The following ZNF703 variants were observed in gnomAD, a reference collection of about 807,000 sequenced individuals.
ZNF703 encodes the protein NocA-like zinc finger 1.
Under a neutral mutation model 30.7 loss-of-function variants are expected in ZNF703, and 18 were observed. The observed-to-expected ratio is 0.59, with a 90% CI of 0.40 to 0.87. The LOEUF is 0.87. Ranked by LOEUF, ZNF703 falls within the 40% of genes least tolerant of loss-of-function variation. ZNF703 has a pLI of 0.00. For synonymous variants in ZNF703, 457 were observed against 438.6 expected, an observed-to-expected ratio of 1.04 and a Z score of -0.52; for missense variants, 814 against 847.8, an observed-to-expected ratio of 0.96 and a Z score of 0.50.
At position 37,698,724 on chromosome 8, in the gene ZNF703, C is replaced by T. The variant is rs761337910; in HGVS notation, c.*50C>T. The T allele has an allele frequency of 1.9e-5, 26 of 1,364,032 alleles. No individual in the cohort carries two copies. The highest frequency in any genetic ancestry group is 2.1e-4 in the Middle Eastern group (1 of 4,746). 84.5% of individuals were successfully genotyped at this position (1,364,032 alleles called of 1,614,324 possible). On this transcript the variant is annotated 3_prime_UTR_variant, in exon 2 of 2. Transcript: ENST00000331569. ...CCCCTCACCCTCCTCCCTCTCCCTC[C>T]TCCTCCCTCCCCACCTGCCGTCGCC...
intron 1 of ZNF703, 76 bp from the exon 2 acceptor site, chr8:37,697,069 C>A (rs1161703730): frequency 1.4e-6 from 2 of 1,405,126 alleles, no homozygotes; most frequent in African/African-American, 3.0e-5. Context: ...CCGCCCAGCT[C>A]CCCGGGCGCC....
chr8:37,698,613 A>G lies in ZNF703; in HGVS notation c.1712A>G (p.Tyr571Cys), dbSNP rs1203797202. The G allele has an allele frequency of 1.9e-6, 3 of 1,548,874 alleles. No individual in the cohort carries two copies. The highest frequency in any genetic ancestry group is 8.7e-7 in the Non-Finnish European group (1 of 1,150,974). ...TCCCTCCCCACAGCCGGACCCTACT[A>G]TTCGCCATACGCGCTGTATGGACAG... Reference protein sequence around the residue: ...VPSLPTAGPYYSPYALYGQRL... With the variant: ...VPSLPTAGPYCSPYALYGQRL... The change falls in exon 2 of 2, where the codon TAT becomes TGT. Residue 571 changes from tyrosine (Y) to cysteine (C), a missense_variant. By Grantham distance (194) the Tyr-to-Cys change is radical. Transcript: ENST00000331569.
chr8:37,697,409 A>AGCGGCTCCTCCTCGGTGTCTT lies in ZNF703; in HGVS notation c.509_529dup (p.Ser176_Ser177insCysGlySerSerSerValSer), dbSNP rs758476729. The AGCGGCTCCTCCTCGGTGTCTT allele has an allele frequency of 6.4e-7, 1 of 1,551,274 alleles. No homozygotes were observed. The highest frequency in any genetic ancestry group is 8.7e-7 in the Non-Finnish European group (1 of 1,148,950). On this transcript the variant is annotated inframe_insertion, in exon 2 of 2. Transcript: ENST00000331569. ...CGGCGGCGGCGACTCCCGCAAAGACAGCGGCTCCTCCTCGGTGTCTTCCAC... is the reference window on the plus strand; with the variant it reads ...CGGCGGCGGCGACTCCCGCAAAGACAGCGGCTCCTCCTCGGTGTCTTGCGGCTCCTCCTCGGTGTCTTCCAC...
rs758045682 is a variant in ZNF703, at chr8:37,696,189, G to A, written c.210G>A (p.Gln70=). The change falls in exon 1 of 2, where the codon CAG becomes CAA. Residue 70 remains glutamine (Q), a synonymous_variant. Transcript: ENST00000331569. The surrounding 1 kb of genome is among the most constrained non-coding windows in gnomAD (Gnocchi z 8.2). ...ACCTCCTGCACCCGGAGTACCTGCA[G>A]CCGCTGTCCTCCACTCCCGTCAGCC... ...TGHLLHPEYL[Q]PLSSTPVSPI... 3 of 1,611,650 alleles carry A rather than the reference G, an allele frequency of 1.9e-6. No individual in the cohort carries two copies. The highest frequency in any genetic ancestry group is 2.5e-6 in the Non-Finnish European group (3 of 1,179,310).
rs1763172143 is a variant in ZNF703, at chr8:37,699,594, G to T, written c.*920G>T. On this transcript the variant is annotated 3_prime_UTR_variant, in exon 2 of 2. Coordinates refer to ENST00000331569, the MANE Select transcript of ZNF703 (RefSeq NM_025069.3). The stretch of plus-strand genomic sequence containing the variant: ...TCACCTGGTTGAATTCAAAGTCCCA[G>T]AAGGCCCCGCTGGCGTGAAGCCGGC... 1.3e-5 allele frequency: 2 copies of T among 152,336 alleles called. No individual in the cohort carries two copies. Among genetic ancestry groups the T allele is most frequent in the Non-Finnish European group, 2.9e-5 (2 of 68,120 alleles). The allele number at this position is 152,336 out of a possible 1,614,324, so 9.4% of individuals were successfully genotyped here.
In ZNF703 at chr8:37,695,959, C is replaced by G. The variant is rs888450953; in HGVS notation, c.-21C>G. ...TGCTCCCCCGCCCTCCCCGCCCCCC[C>G]AGCGGCGCTGCCTCCTCCAAATGAG... On this transcript the variant is annotated 5_prime_UTR_variant, in exon 1 of 2. Transcript: ENST00000331569. 3 of 1,482,234 alleles carry G rather than the reference C, an allele frequency of 2.0e-6. No homozygotes were observed. The African/African-American group carries it at 4.3e-5, about 21-fold the overall frequency. The allele number at this position is 1,482,234 out of a possible 1,614,324, so 91.8% of individuals were successfully genotyped here.
rs1213204561 is a variant in ZNF703, at chr8:37,697,381, C to T, written c.480C>T (p.Gly160=). ...CCAGCTTCAAGCCCTACTCCAAGGG[C>T]TCCGGCGGCGGCGACTCCCGCAAAG... ...DKSSFKPYSK[G]SGGGDSRKDS... The change falls in exon 2 of 2, where the codon GGC becomes GGT. Residue 160 remains glycine, a synonymous_variant. Coordinates refer to ENST00000331569, the MANE Select transcript of ZNF703 (RefSeq NM_025069.3). 3 of 1,555,576 alleles carry T rather than the reference C, an allele frequency of 1.9e-6. No homozygotes were observed. The African/African-American group carries it at 4.1e-5, about 21-fold the overall frequency.
rs1014521033 is a variant in ZNF703, at chr8:37,697,696, G to A, written c.795G>A (p.Glu265=). The stretch of plus-strand genomic sequence containing the variant: ...CCGTGAGCCGCGGCGGCGGTGGGGA[G>A]CCCGGGGCGCACGGTGGCGCCGAGT... ...PAAVSRGGGG[E]PGAHGGAESG... Residue 265 remains glutamate (E), a synonymous_variant, in exon 2 of 2, where the codon GAG becomes GAA. Coordinates refer to ENST00000331569, the MANE Select transcript of ZNF703 (RefSeq NM_025069.3). 32 of 1,340,022 alleles carry A rather than the reference G, an allele frequency of 2.4e-5. No homozygotes were observed. The highest frequency in any genetic ancestry group is 1.9e-6 in the Non-Finnish European group (2 of 1,053,752). The allele number at this position is 1,340,022 out of a possible 1,614,324, so 83.0% of individuals were successfully genotyped here. A position where few individuals can be genotyped will look rare whatever the true frequency, so the allele number is the denominator to read the frequency against.
Position 37,698,256 on chromosome 8 carries a change from A to T in ZNF703, c.1355A>T (p.Glu452Val), listed in dbSNP as rs762668585. The change falls in exon 2 of 2, where the codon GAA becomes GTA. Residue 452 changes from glutamate to valine, a missense_variant. By Grantham distance (121) the Glu-to-Val change is moderately radical (BLOSUM62 -2). Coordinates refer to ENST00000331569, the MANE Select transcript of ZNF703 (RefSeq NM_025069.3). ...ACCTACGGCTTCATGCTGCAGAACG[A>T]ACCGCTGCCGCACAGCTGCAACTGG... ...LYTYGFMLQN[E>V]PLPHSCNWVA... The T allele has an allele frequency of 1.3e-6, 2 of 1,538,206 alleles. No homozygotes were observed. Among genetic ancestry groups the T allele is most frequent in the Non-Finnish European group, 1.7e-6 (2 of 1,147,584 alleles).
chr8:37,697,846 C>A lies in ZNF703; in HGVS notation c.945C>A (p.Tyr315Ter), dbSNP rs569663097. Residue 315 changes from tyrosine (Y) to a stop codon, truncating the protein, a stop_gained, in exon 2 of 2, where the codon TAC becomes TAA. Transcript: ENST00000331569. LOFTEE classifies it high-confidence loss of function. The stretch of plus-strand genomic sequence containing the variant: ...CGCTGCCGCCCTCCAGCATTGGCTA[C>A]CACGGCTCCATCGTGGGCGCCTACG... ...VFPLPPSSIGYHGSIVGAYAG... is the reference protein window; with the variant it reads ...VFPLPPSSIG 6.5e-7 allele frequency: 1 copy of A among 1,540,848 alleles called. No homozygotes were observed.
rs1413217208 is a variant in ZNF703, at chr8:37,696,238, C to T, written c.243+16C>T. 6 of 1,571,746 alleles carry T rather than the reference C, an allele frequency of 3.8e-6. No homozygotes were observed. Among genetic ancestry groups the T allele is most frequent in the Non-Finnish European group, 5.2e-6 (6 of 1,157,570 alleles). ...CCCCATTGAGGTCAGTCCCCGGCCG[C>T]TGCCCCCGGGCGCCGGCCCCATTCC... On this transcript the variant is annotated intron_variant, in intron 1 of 1. Transcript: ENST00000331569. This position sits in a 1 kb window ranked among gnomAD's most constrained non-coding sequence, Gnocchi z 8.2.
chr8:37,697,125 C>T lies in ZNF703; in HGVS notation c.244-20C>T. 1 of 1,519,350 alleles carries T rather than the reference C, an allele frequency of 6.6e-7. No homozygotes were observed. Among genetic ancestry groups the T allele is most frequent in the South Asian group, 1.3e-5 (1 of 77,348 alleles). The allele number at this position is 1,519,350 out of a possible 1,614,324, so 94.1% of individuals were successfully genotyped here. The stretch of plus-strand genomic sequence containing the variant: ...CTGAGTCTCACTCCTTCTCCCTCCC[C>T]CTGCTTCTGTCTCCCACAGCTGGAC... On this transcript the variant is annotated intron_variant, in intron 1 of 1. Transcript: ENST00000331569.
chr8:37,695,823 G>GGAAGAGGC lies in ZNF703; in HGVS notation c.-157_-156insGAAGAGGC. The stretch of plus-strand genomic sequence containing the variant: ...GCCGGGGCCAGCGGCGGTGGCGGCG[G>GGAAGAGGC]CGGCGGAGGCGTCGGTGGAGGAGGG... On this transcript the variant is annotated 5_prime_UTR_variant, in exon 1 of 2. Coordinates refer to ENST00000331569, the MANE Select transcript of ZNF703 (RefSeq NM_025069.3). The GGAAGAGGC allele has an allele frequency of 1.6e-6, 1 of 613,304 alleles. No homozygotes were observed. Among genetic ancestry groups the GGAAGAGGC allele is most frequent in the Non-Finnish European group, 2.5e-6 (1 of 397,282 alleles). The allele number at this position is 613,304 out of a possible 1,614,324, so 38.0% of individuals were successfully genotyped here.
intron 1 of ZNF703, 97 bp from the exon 2 acceptor site, chr8:37,697,048 C>T: frequency 1.5e-6 from 2 of 1,348,298 alleles, no homozygotes; most frequent in Admixed American, 3.9e-5. Flanking sequence ...CCGCCCCGCC[C>T]CGTGGCGCCG....
In ZNF703 at chr8:37,698,708, C is replaced by G. The variant is rs374425918; in HGVS notation, c.*34C>G. 3 of 1,390,528 alleles carry G rather than the reference C, an allele frequency of 2.2e-6. No homozygotes were observed. Among genetic ancestry groups the G allele is most frequent in the African/African-American group, 3.0e-5 (2 of 66,638 alleles). 86.1% of individuals were successfully genotyped at this position (1,390,528 alleles called of 1,614,324 possible). A position where few individuals can be genotyped will look rare whatever the true frequency, so the allele number is the denominator to read the frequency against. ...CTTCCTCCACCCCAGCCCCCTCACC[C>G]TCCTCCCTCTCCCTCCTCCTCCCTC... On this transcript the variant is annotated 3_prime_UTR_variant, in exon 2 of 2. Coordinates refer to ENST00000331569, the MANE Select transcript of ZNF703 (RefSeq NM_025069.3).
In ZNF703 at chr8:37,697,610, G is replaced by T; in HGVS notation, c.709G>T (p.Val237Phe). 1 of 1,419,710 alleles carries T rather than the reference G, an allele frequency of 7.0e-7. No individual in the cohort carries two copies. The highest frequency in any genetic ancestry group is 2.9e-5 in the East Asian group (1 of 34,754). The allele number at this position is 1,419,710 out of a possible 1,614,324, so 87.9% of individuals were successfully genotyped here. Reference sequence around the variant, plus strand: ...CTCTGACTGCAAGAACGGCGGCGGGGTTGGCGGCGGGGAGCTGGACAAGAA... The same window carrying T: ...CTCTGACTGCAAGAACGGCGGCGGGTTTGGCGGCGGGGAGCTGGACAAGAA... ...HHSDCKNGGG[V>F]GGGELDKKDQ... The change falls in exon 2 of 2, where the codon GTT becomes TTT. Residue 237 changes from valine to phenylalanine, a missense_variant. Val to Phe is a conservative substitution (Grantham distance 50). Coordinates refer to ENST00000331569, the MANE Select transcript of ZNF703 (RefSeq NM_025069.3).
In ZNF703 at chr8:37,696,228, T is replaced by C. The variant is rs781680562; in HGVS notation, c.243+6T>C. On this transcript the variant is annotated splice_donor_region_variant and intron_variant, in intron 1 of 1. Coordinates refer to ENST00000331569, the MANE Select transcript of ZNF703 (RefSeq NM_025069.3). This position sits in a 1 kb window ranked among gnomAD's most constrained non-coding sequence, Gnocchi z 8.2. ...CTCCCGTCAGCCCCATTGAGGTCAG[T>C]CCCCGGCCGCTGCCCCCGGGCGCCG... 3.2e-6 allele frequency: 5 copies of C among 1,582,278 alleles called. No individual in the cohort carries two copies. The highest frequency in any genetic ancestry group is 2.6e-6 in the Non-Finnish European group (3 of 1,163,122).
rs1395662133 is a variant in ZNF703, at chr8:37,699,083, T to C, written c.*409T>C. On this transcript the variant is annotated 3_prime_UTR_variant, in exon 2 of 2. Coordinates refer to ENST00000331569, the MANE Select transcript of ZNF703 (RefSeq NM_025069.3). ...TCTTTGGGTTCTTCTAGACGTTTTG[T>C]TTTCCCTTCCTGGGGAGTTTCTTGC... is the stretch of plus-strand genomic sequence containing the variant. The C allele has an allele frequency of 6.1e-6, 1 of 163,482 alleles. No individual in the cohort carries two copies. Among genetic ancestry groups the C allele is most frequent in the Non-Finnish European group, 1.3e-5 (1 of 76,194 alleles). 10.1% of individuals were successfully genotyped at this position (163,482 alleles called of 1,614,324 possible). A position where few individuals can be genotyped will look rare whatever the true frequency, so the allele number is the denominator to read the frequency against.
At position 37,695,815 on chromosome 8, in the gene ZNF703, T is replaced by C. The variant is rs568628511; in HGVS notation, c.-165T>C. 1,800 of 561,592 alleles carry C rather than the reference T, an allele frequency of 3.2e-3. 41 individuals carry two copies. In the African/African-American group the frequency reaches 0.033, roughly 10 times the overall value. The allele number at this position is 561,592 out of a possible 1,614,324, so 34.8% of individuals were successfully genotyped here. A position where few individuals can be genotyped will look rare whatever the true frequency, so the allele number is the denominator to read the frequency against. On this transcript the variant is annotated 5_prime_UTR_variant, in exon 1 of 2. Transcript: ENST00000331569. ...TGTTGCTAGCCGGGGCCAGCGGCGG[T>C]GGCGGCGGCGGCGGAGGCGTCGGTG...
Sources: allele counts gnomAD v4.1 joint callset, GRCh38; gene constraint gnomAD v4.1.1; non-coding constraint Gnocchi (gnomAD v3.1); transcripts MANE v1.5; gene names NCBI Gene and HGNC (gene_info 2026-07-23, HGNC 2026-07-21).